Variants in KLF7 observed in about 807,000 individuals in gnomAD.
The protein encoded by KLF7 is Krueppel-like factor 7.
KLF7 carries 2 observed loss-of-function variants against 27.3 expected under a neutral mutation model. That is an observed-to-expected ratio of 0.07 (90% confidence interval 0.03 to 0.23). The LOEUF is 0.23. Ranked by LOEUF, KLF7 falls within the 10% of genes least tolerant of loss-of-function variation. KLF7 has a pLI of 1.00. For synonymous variants in KLF7, 165 were observed against 162.4 expected (o/e 1.02, Z -0.12); for missense variants, 221 against 394.1 (o/e 0.56, Z 3.72).
intron 2 of KLF7, among the ~76,000 whole-genome samples, chr2:207,093,894 T>C (rs991875833): frequency 2.0e-5 from 3 of 152,210 alleles, no homozygotes; most frequent in Non-Finnish European, 4.4e-5. Context: ...AGGACTAAAA[T>C]GTGGTAAGTT....
At chr2:207,168,231 A>G (rs1056813902), upstream of KLF7, among the ~76,000 whole-genome samples, 4 of 152,232 alleles carry the variant, frequency 2.6e-5, no homozygotes, top group African/African-American at 9.6e-5. Context: ...TTACATTATA[A>G]CAATTTTTGA....
At chr2:207,147,995 T>C (rs1284910629) in intron 1 of KLF7, among the ~76,000 whole-genome samples, 2 of 152,206 alleles carry the variant, frequency 1.3e-5, no homozygotes, top group African/African-American at 2.4e-5. Flanking sequence ...TTTTTAATAG[T>C]TAAGCTTCTA....
At chr2:207,084,157 TGTGAGAAGCAACAACGCAGACACCCAGAA>T (rs1455256081) in intron 3 of KLF7, among the ~76,000 whole-genome samples, 1 of 152,128 alleles carries the variant, frequency 6.6e-6, no homozygotes, top group Non-Finnish European at 1.5e-5. Context: ...AGGATGTACC[TGTGAGAAGCAACAACGCAGACACCCAGAA>T]GCCTGCCTGT....
intron 3 of KLF7, among the ~76,000 whole-genome samples, chr2:207,085,906 TG>T (rs2076376568): frequency 6.6e-6 from 1 of 151,084 alleles, no homozygotes; most frequent in South Asian, 2.1e-4. Flanking sequence ...GTGAGCCCAC[TG>T]TGGCCAGATC....
At chr2:207,090,659 G>A (rs573381992) in intron 2 of KLF7, among the ~76,000 whole-genome samples, 1 of 152,086 alleles carries the variant, frequency 6.6e-6, no homozygotes, top group South Asian at 2.1e-4. Context: ...AGACATGCTG[G>A]GTATCTGAAA....
At chr2:207,127,425 T>C (rs2077510362) in intron 1 of KLF7, among the ~76,000 whole-genome samples, 1 of 152,206 alleles carries the variant, frequency 6.6e-6, no homozygotes, top group Non-Finnish European at 1.5e-5. Context: ...ACTTTTCTCA[T>C]CAGGAGTATG....
At chr2:207,126,421 C>A (rs893639641) in intron 1 of KLF7, among the ~76,000 whole-genome samples, 2 of 152,198 alleles carry the variant, frequency 1.3e-5, no homozygotes, top group Admixed American at 1.3e-4. Context: ...TTACTTTGAT[C>A]ATTCTACCTC....
chr2:207,155,347 T>C (rs2078353955), intron 1 of KLF7, among the ~76,000 whole-genome samples: 1 of 152,218 alleles, frequency 6.6e-6, no homozygotes, highest in South Asian at 2.1e-4. Context: ...ATTCCACCAA[T>C]GGTTTTTTGC....
At position 207,118,098 on chromosome 2, in the gene KLF7, A is replaced by C. The variant is rs185865475; in HGVS notation, c.733+5676T>G. Among the ~76,000 whole-genome samples the C allele has an allele frequency of 1.5e-3, 235 of 152,294 alleles. 1 individual carries two copies. The highest frequency in any genetic ancestry group is 5.2e-3 in the African/African-American group (215 of 41,556). The stretch of plus-strand genomic sequence containing the variant: ...AGACATGGGTCCAATTTAATTTCTA[A>C]CAACAGGGACTTGCATAGCCTGAAC... On this transcript the variant is annotated intron_variant, in intron 2 of 3. Coordinates refer to ENST00000309446, the MANE Select transcript of KLF7 (RefSeq NM_003709.4).
rs149205836 is a variant in KLF7, at chr2:207,126,621, C to T, written c.103-2217G>A. Among the ~76,000 whole-genome samples the T allele has an allele frequency of 8.0e-3, 1,224 of 152,258 alleles. 9 individuals carry two copies. The highest frequency in any genetic ancestry group is 0.012 in the Non-Finnish European group (845 of 68,002). On this transcript the variant is annotated intron_variant, in intron 1 of 3. Transcript: ENST00000309446. ...TAAAAATCAGTATGCCTGGGCAACA[C>T]AAGACCCTGTCTCCACAAAAACTAA... is the stretch of plus-strand genomic sequence containing the variant.
chr2:207,089,645 G>A (rs999525713), intron 2 of KLF7, among the ~76,000 whole-genome samples: 3 of 152,084 alleles, frequency 2.0e-5, no homozygotes, highest in African/African-American at 7.2e-5. Flanking sequence ...AAACTTCTTG[G>A]GATCAGCTTC....
chr2:207,154,659 G>A (rs964835808), intron 1 of KLF7, among the ~76,000 whole-genome samples: 1 of 152,130 alleles, frequency 6.6e-6, no homozygotes, highest in Non-Finnish European at 1.5e-5. Flanking sequence ...GTGCCTCTGT[G>A]TATTATTATT....
intron 1 of KLF7, among the ~76,000 whole-genome samples, chr2:207,138,886 T>G (rs1376239112): frequency 6.6e-6 from 1 of 152,244 alleles, no homozygotes; most frequent in African/African-American, 2.4e-5. Context: ...TGTGTCTGTG[T>G]CTGCGATTGC....
At chr2:207,105,231 T>C (rs2076854779) in intron 2 of KLF7, among the ~76,000 whole-genome samples, 1 of 152,248 alleles carries the variant, frequency 6.6e-6, no homozygotes, top group Non-Finnish European at 1.5e-5. Flanking sequence ...TGAGATGAGC[T>C]GAAGCTTCAT....
intron 2 of KLF7, chr2:207,121,654 T>C (rs2077344117): frequency 6.6e-6 from 1 of 152,164 alleles, no homozygotes; most frequent in African/African-American, 2.4e-5. Flanking sequence ...GAATTCCCAA[T>C]AGGAGTCTTT....
intron 1 of KLF7, among the ~76,000 whole-genome samples, chr2:207,127,590 C>T (rs1050738050): frequency 2.0e-5 from 3 of 152,154 alleles, no homozygotes; most frequent in African/African-American, 7.2e-5. Context: ...GCCTGTAATC[C>T]TAACACTTTG....
At position 207,077,557 on chromosome 2, in the gene KLF7, T is replaced by C. The variant is rs1268673358; in HGVS notation, c.*3656A>G. On this transcript the variant is annotated 3_prime_UTR_variant, in exon 4 of 4. Transcript: ENST00000309446. Reference sequence around the variant, plus strand: ...AAAGCACACAGAGAGGAGGAAATGGTCAGCATGAAGTTCATTTTGGGGTCT... The same window carrying C: ...AAAGCACACAGAGAGGAGGAAATGGCCAGCATGAAGTTCATTTTGGGGTCT... 1 of 152,110 alleles carries C rather than the reference T, an allele frequency of 6.6e-6. No individual in the cohort carries two copies. Among genetic ancestry groups the C allele is most frequent in the Non-Finnish European group, 1.5e-5 (1 of 68,028 alleles). 9.4% of individuals were successfully genotyped at this position (152,110 alleles called of 1,614,324 possible).
chr2:207,151,968 C>T (rs1382697367), intron 1 of KLF7, among the ~76,000 whole-genome samples: 4 of 152,034 alleles, frequency 2.6e-5, no homozygotes, highest in Non-Finnish European at 2.9e-5. Context: ...AAAGAAAACA[C>T]TTTTTAAAAA....
Position 207,165,675 on chromosome 2 carries a change from G to A in KLF7, c.-107C>T, listed in dbSNP as rs892198061. 76 of 1,555,888 alleles carry A rather than the reference G, an allele frequency of 4.9e-5. No homozygotes were observed. Among genetic ancestry groups the A allele is most frequent in the Admixed American group, 8.2e-5 (4 of 48,826 alleles). On this transcript the variant is annotated 5_prime_UTR_variant, in exon 1 of 4. Coordinates refer to ENST00000309446, the MANE Select transcript of KLF7 (RefSeq NM_003709.4). ...CACCCCCCAAGAAGGCAGACATCCA[G>A]TGGCCCTTTTGTTTTGTTTTGTTTC... is the stretch of plus-strand genomic sequence containing the variant.
Sources: gnomAD v4.1 joint callset for allele counts (sites outside exome capture counted in the v4.1 genomes callset) on GRCh38, gnomAD v4.1.1 for gene constraint, MANE v1.5 for transcripts, NCBI Gene and HGNC (gene_info 2026-07-23, HGNC 2026-07-21) for gene names.